The following DYNLT2 variants were observed in gnomAD, a reference collection of about 807,000 sequenced individuals.
DYNLT2 encodes dynein light chain Tctex-type 2.
A neutral mutation model predicts 24.3 loss-of-function variants in DYNLT2; 24 were observed. The observed-to-expected ratio is 0.99, with a 90% confidence interval of 0.71 to 1.39. The LOEUF is 1.39. DYNLT2 is among the 40% of genes most tolerant of loss of function. The pLI is 0.00. For synonymous variants in DYNLT2, 85 were observed against 85.4 expected, an observed-to-expected ratio of 1.00 and a Z score of 0.03; for missense variants, 246 against 234.5, an observed-to-expected ratio of 1.05 and a Z score of -0.32.
At chr6:169,736,956 A>G (rs1477666374), downstream of DYNLT2, among the ~76,000 whole-genome samples, 1 of 151,908 alleles carries the variant, frequency 6.6e-6, no homozygotes, top group Non-Finnish European at 1.5e-5. Flanking sequence ...ACTCCAATCA[A>G]TCGTAGGTTT....
chr6:169,744,233 G>A lies in DYNLT2; in HGVS notation c.162C>T (p.His54=). ...ILRERLRESI[H]NVQYVEPPFD... Reference sequence around the variant, plus strand: ...AAGGAGGCTCCACATACTGAACATTGTGAATTGACTCTCTCAGTCTTTCTC... The same window carrying A: ...AAGGAGGCTCCACATACTGAACATTATGAATTGACTCTCTCAGTCTTTCTC... The change falls in exon 2 of 4, where the codon CAC becomes CAT. Residue 54 remains histidine (H), a synonymous_variant. Coordinates refer to ENST00000366774, the MANE Select transcript of DYNLT2 (RefSeq NM_174910.3). 6.2e-7 allele frequency: 1 copy of A among 1,613,688 alleles called. No homozygotes were observed. The highest frequency in any genetic ancestry group is 8.5e-7 in the Non-Finnish European group (1 of 1,179,932).
At chr6:169,727,258 G>A in the DYNLT2 span, among the ~76,000 whole-genome samples, 2 of 152,188 alleles carry the variant, frequency 1.3e-5, no homozygotes, top group Non-Finnish European at 2.9e-5. Context: ...ACTCTTCTGT[G>A]TAGTTTTATT....
At chr6:169,739,987 T>C (rs978681904), downstream of DYNLT2, 24 of 524,302 alleles carry the variant, frequency 4.6e-5, no homozygotes, top group Admixed American at 2.8e-4. Context: ...TTTGGCATAA[T>C]ATTATGTTAG....
At chr6:169,738,397 T>C (rs1789604615), downstream of DYNLT2, among the ~76,000 whole-genome samples, 1 of 152,190 alleles carries the variant, frequency 6.6e-6, no homozygotes, top group African/African-American at 2.4e-5. Flanking sequence ...GTTCCAGGGT[T>C]GTGATGCTAG....
Position 169,740,227 on chromosome 6 carries a change from G to A in DYNLT2, c.555C>T (p.Ser185=), listed in dbSNP as rs1448065151. ...SWVAAKHEAE[S]YVALVLVFAL... ...CAAACACCAAGACCAGTGCCACGTA[G>A]GATTCTGCTTCGTGTTTAGCTGCGA... is the stretch of plus-strand genomic sequence containing the variant. The change falls in exon 4 of 4, where the codon TCC becomes TCT. Residue 185 remains serine (S), a synonymous_variant. Transcript: ENST00000366774. 1.1e-5 allele frequency: 18 copies of A among 1,614,050 alleles called. No homozygotes were observed. The highest frequency in any genetic ancestry group is 1.5e-5 in the Non-Finnish European group (18 of 1,179,962).
chr6:169,741,269 C>T (rs915547704), intron 3 of DYNLT2, among the ~76,000 whole-genome samples: 4 of 152,176 alleles, frequency 2.6e-5, no homozygotes, highest in Admixed American at 1.3e-4. Context: ...TCTGCTCTCA[C>T]ACTCGTGGAA....
downstream of DYNLT2, chr6:169,738,729 C>T (rs1302566353): frequency 6.6e-6 from 1 of 152,462 alleles, no homozygotes; most frequent in Non-Finnish European, 1.5e-5. Flanking sequence ...AGTCGGCCGT[C>T]TTGGCCCCAC....
At chr6:169,745,500 T>C (rs73242952) in intron 1 of DYNLT2, among the ~76,000 whole-genome samples, 1 of 151,866 alleles carries the variant, frequency 6.6e-6, no homozygotes, top group African/African-American at 2.4e-5. Flanking sequence ...AGTGTTGAAT[T>C]TGACATATAG....
intron 1 of DYNLT2, chr6:169,749,507 T>A (rs574318821): frequency 6.6e-6 from 1 of 152,378 alleles, no homozygotes; most frequent in Non-Finnish European, 1.5e-5. Context: ...AGGAACTCAT[T>A]CGTGTTAAGC....
At chr6:169,740,669 G>C (rs1166272652) in intron 3 of DYNLT2, among the ~76,000 whole-genome samples, 4 of 152,086 alleles carry the variant, frequency 2.6e-5, no homozygotes, top group East Asian at 3.9e-4. Context: ...GGTTTGTCAG[G>C]GCCTTGCCTT....
the DYNLT2 span, among the ~76,000 whole-genome samples, chr6:169,726,204 A>G: frequency 6.6e-6 from 1 of 152,252 alleles, no homozygotes; most frequent in Non-Finnish European, 1.5e-5. Flanking sequence ...TTAAGGAGAC[A>G]CTGTATAGAT....
In DYNLT2 at chr6:169,740,870, G is replaced by A. The variant is rs540026017; in HGVS notation, c.487-575C>T. ...ATTTCCCAGGCTAGAGTGTAATGGC[G>A]TGATCTCGGTTCACTGCAACCTCCA... On this transcript the variant is annotated intron_variant, in intron 3 of 3. Coordinates refer to ENST00000366774, the MANE Select transcript of DYNLT2 (RefSeq NM_174910.3). 1.1e-4 allele frequency among the ~76,000 whole-genome samples: 17 copies of A among 150,760 alleles called. 3 individuals carry two copies. The highest frequency in any genetic ancestry group is 4.2e-4 in the South Asian group (2 of 4,758).
At chr6:169,737,564 G>T (rs1789587308), downstream of DYNLT2, among the ~76,000 whole-genome samples, 1 of 152,022 alleles carries the variant, frequency 6.6e-6, no homozygotes, top group African/African-American at 2.4e-5. Flanking sequence ...CTTTAAATAG[G>T]CCCCTTTTCT....
chr6:169,743,956 T>C (rs1562996735), intron 2 of DYNLT2, 112 bp downstream of exon 2: 1 of 987,840 alleles, frequency 1.0e-6, no homozygotes, highest in African/African-American at 1.6e-5. Flanking sequence ...CTTCTGGTTC[T>C]AGTGACAATT....
chr6:169,726,883 A>G, the DYNLT2 span, among the ~76,000 whole-genome samples: 1 of 152,198 alleles, frequency 6.6e-6, no homozygotes, highest in East Asian at 1.9e-4. Context: ...GATAAGGGGG[A>G]AAAAAGCATG....
rs781636684 is a variant in DYNLT2 at position 169,751,357 on chromosome 6, G to A, written c.102C>T (p.Ser34=). 82 of 1,614,084 alleles carry A rather than the reference G, an allele frequency of 5.1e-5. 1 individual carries two copies. The Middle Eastern group carries it at 0.012, about 234-fold the overall frequency. Residue 34 remains serine, a synonymous_variant, in exon 1 of 4, where the codon AGC becomes AGT. Transcript: ENST00000366774. ...PVTPRKERRP[S]MFEKEAYTQI... Reference sequence around the variant, plus strand: ...CACTCACTGCCTCCTTCTCGAACATGCTAGGCCTCCTTTCTTTCCTAGGCG... The same window carrying A: ...CACTCACTGCCTCCTTCTCGAACATACTAGGCCTCCTTTCTTTCCTAGGCG...
At chr6:169,730,042 T>A in the DYNLT2 span, among the ~76,000 whole-genome samples, 1 of 152,268 alleles carries the variant, frequency 6.6e-6, no homozygotes, top group Non-Finnish European at 1.5e-5. Context: ...CTTTATGCAA[T>A]TCCTCACATA....
At position 169,745,097 on chromosome 6, in the gene DYNLT2, G is replaced by T. The variant is rs368611735; in HGVS notation, c.121-823C>A. 4.6e-3 allele frequency among the ~76,000 whole-genome samples: 688 copies of T among 150,680 alleles called. 5 individuals are homozygous for T. Among genetic ancestry groups the T allele is most frequent in the African/African-American group, 0.015 (613 of 41,130 alleles). Reference sequence around the variant, plus strand: ...TGATGTTTGCTGTGAAGTTTTTTTTGTTTGTTTTTTTTTTTGAGACAGTCT... The same window carrying T: ...TGATGTTTGCTGTGAAGTTTTTTTTTTTTGTTTTTTTTTTTGAGACAGTCT... On this transcript the variant is annotated intron_variant, in intron 1 of 3. Transcript: ENST00000366774.
downstream of DYNLT2, among the ~76,000 whole-genome samples, chr6:169,735,199 G>T (rs1344806355): frequency 6.6e-6 from 1 of 151,840 alleles, no homozygotes; most frequent in Non-Finnish European, 1.5e-5. Flanking sequence ...CTAGCTAGTG[G>T]TCTTTCTATT....
Sources: gnomAD v4.1 joint callset for allele counts (sites outside exome capture counted in the v4.1 genomes callset) on GRCh38, gnomAD v4.1.1 for gene constraint, MANE v1.5 for transcripts, NCBI Gene and HGNC (gene_info 2026-07-23, HGNC 2026-07-21) for gene names.